The following ITIH4 variants were observed in gnomAD, a reference collection of about 807,000 sequenced individuals.
ITIH4 encodes the protein inter-alpha-trypsin inhibitor heavy chain 4, also known as inter-alpha-trypsin inhibitor heavy chain H4.
A neutral mutation model predicts 111.8 loss-of-function variants in ITIH4; 79 were observed. That is an observed-to-expected ratio of 0.71 (90% CI 0.59 to 0.85). The LOEUF is 0.85. ITIH4 is among the 40% of genes least tolerant of loss of function. The pLI is 0.00. For missense variants in ITIH4, 1,065 were observed against 1,195.8 expected (o/e 0.89, Z 1.61); for synonymous variants, 472 against 468.3 (o/e 1.01, Z -0.10).
intron 17 of ITIH4, 60 bp downstream of exon 17, chr3:52,819,333 G>T: frequency 6.2e-7 from 1 of 1,605,046 alleles, no homozygotes; most frequent in South Asian, 1.1e-5. Flanking sequence ...CCCTCTATGG[G>T]GCAGGCTCAA....
At position 52,820,975 on chromosome 3, in the gene ITIH4, G is replaced by A. The variant is rs369594100; in HGVS notation, c.1679+16C>T. 2.5e-6 allele frequency: 4 copies of A among 1,612,796 alleles called. No individual in the cohort carries two copies. Among genetic ancestry groups the A allele is most frequent in the African/African-American group, 1.3e-5 (1 of 74,896 alleles). On this transcript the variant is annotated intron_variant, in intron 12 of 23. Transcript: ENST00000266041. The stretch of plus-strand genomic sequence containing the variant: ...GCCCCCTAGCGACAGGCTTAGGGAG[G>A]TGCTGATGCACTCACGTTTGCTCCA...
At chr3:52,818,853 T>C (rs1374529463) in intron 17 of ITIH4, 1 of 394,722 alleles carries the variant, frequency 2.5e-6, no homozygotes. Flanking sequence ...GTATAGTGGA[T>C]CCTACTCAGT....
At chr3:52,820,808 C>T (rs1700367872) in intron 12 of ITIH4, 23 bp from the exon 13 acceptor site, 2 of 1,585,574 alleles carry the variant, frequency 1.3e-6, no homozygotes, top group East Asian at 2.2e-5. Flanking sequence ...CACATCAGAG[C>T]TCAGGAGATC....
chr3:52,816,039 G>A (rs1163324549), intron 21 of ITIH4, among the ~76,000 whole-genome samples: 1 of 152,194 alleles, frequency 6.6e-6, no homozygotes. Flanking sequence ...GATAAGCTGG[G>A]TGTGCACTCA....
Position 52,830,606 on chromosome 3 carries a change from C to T in ITIH4, c.37G>A (p.Val13Ile), listed in dbSNP as rs764127339. The change falls in exon 1 of 24, where the codon GTT (valine) becomes ATT (isoleucine). Residue 13 changes from valine to isoleucine, a missense_variant. Coordinates refer to ENST00000266041, the MANE Select transcript of ITIH4 (RefSeq NM_002218.5). ...GCCAGCAGTGAAAGCAGGACGAGAA[C>T]TTTGCTGCAGGTACGGACAGGCCTT... is the stretch of plus-strand genomic sequence containing the variant. Reference protein sequence around the residue: ...PPRPVRTCSKVLVLLSLLAIH... With the variant: ...PPRPVRTCSKILVLLSLLAIH... 2.5e-6 allele frequency: 4 copies of T among 1,614,142 alleles called. No individual in the cohort carries two copies. The highest frequency in any genetic ancestry group is 3.4e-6 in the Non-Finnish European group (4 of 1,179,974).
intron 13 of ITIH4, 91 bp from the exon 14 acceptor site, chr3:52,820,408 G>A (rs1700359625): frequency 2.1e-6 from 3 of 1,396,180 alleles, no homozygotes; most frequent in Non-Finnish European, 3.0e-6. Context: ...AAGCGCTTGT[G>A]TTTAATCTTG....
Position 52,814,201 on chromosome 3 carries a change from C to CTCAG in ITIH4, c.2626+4_2626+7dup, listed in dbSNP as rs754891877. 6.2e-7 allele frequency: 1 copy of CTCAG among 1,612,422 alleles called. No homozygotes were observed. The highest frequency in any genetic ancestry group is 8.5e-7 in the Non-Finnish European group (1 of 1,179,404). ...GGAAGGCCTGGGCCCCGGTAATGGG[C>CTCAG]TCAGTACCAAGGGTCCCTCCAACGT... On this transcript the variant is annotated splice_region_variant and intron_variant, in intron 22 of 23. Transcript: ENST00000266041.
chr3:52,826,760 A>C, intron 4 of ITIH4, 31 bp downstream of exon 4: 2 of 1,613,578 alleles, frequency 1.2e-6, no homozygotes, highest in African/African-American at 1.3e-5. Context: ...GTCATGCAGG[A>C]GGCCTCCCTG....
chr3:52,817,292 G>A (rs1211417680), intron 20 of ITIH4, among the ~76,000 whole-genome samples: 1 of 152,190 alleles, frequency 6.6e-6, no homozygotes, highest in Admixed American at 6.5e-5. Context: ...CTCGGCGACG[G>A]CCACCCTCAG....
chr3:52,829,913 G>C (rs1028005211), intron 1 of ITIH4: 3 of 186,610 alleles, frequency 1.6e-5, no homozygotes, highest in African/African-American at 7.1e-5. Context: ...CCCCTAGCAG[G>C]TGCCATTTGC....
intron 1 of ITIH4, 99 bp downstream of exon 1, chr3:52,830,454 G>T: frequency 8.8e-7 from 1 of 1,142,314 alleles, no homozygotes; most frequent in Non-Finnish European, 1.3e-6. Flanking sequence ...GGATGCACAC[G>T]CACTTGTGCT....
chr3:52,819,680 GAAC>G (rs1244224873), intron 16 of ITIH4, 71 bp downstream of exon 16: 2 of 1,584,556 alleles, frequency 1.3e-6, no homozygotes, highest in African/African-American at 1.3e-5. Context: ...GCTGGGAGAT[GAAC>G]AATAATGGAC....
chr3:52,813,369 G>A lies in ITIH4; in HGVS notation c.*52C>T. The A allele has an allele frequency of 1.3e-6, 2 of 1,505,696 alleles. No homozygotes were observed. Among genetic ancestry groups the A allele is most frequent in the Non-Finnish European group, 1.9e-6 (2 of 1,081,000 alleles). 93.3% of individuals were successfully genotyped at this position (1,505,696 alleles called of 1,614,324 possible). On this transcript the variant is annotated 3_prime_UTR_variant, in exon 24 of 24. Coordinates refer to ENST00000266041, the MANE Select transcript of ITIH4 (RefSeq NM_002218.5). The stretch of plus-strand genomic sequence containing the variant: ...TCCAGGCCCCAGAAGCGGCCCTGCA[G>A]TTGCAGGGGGAAGCCAAGTGTACAG...
chr3:52,823,303 G>T, intron 11 of ITIH4: 1 of 488,906 alleles, frequency 2.0e-6, no homozygotes, highest in Non-Finnish European at 3.6e-6. Flanking sequence ...GACAGGAAGG[G>T]ATGACAACTA....
chr3:52,819,270 G>A, intron 17 of ITIH4, 123 bp downstream of exon 17: 1 of 1,062,444 alleles, frequency 9.4e-7, no homozygotes, highest in East Asian at 2.6e-5. Flanking sequence ...TTCACATCGT[G>A]CCCTCAGCAG....
rs555213150 is a variant in ITIH4, at chr3:52,816,941, C to T, written c.2414G>A (p.Arg805Gln). ...CTTGTACGCAGAGCTTCTTCGGTTC[C>T]GAGTCACCACCACGTGTTCAGGGGA... ...HASPEHVVVT[R>Q]NRRSSAYKWK... Residue 805 changes from arginine (R) to glutamine (Q), a missense_variant, in exon 21 of 24, where the codon CGG (arginine) becomes CAG (glutamine). By Grantham distance (43) the Arg-to-Gln change is conservative. Coordinates refer to ENST00000266041, the MANE Select transcript of ITIH4 (RefSeq NM_002218.5). 20 of 1,614,046 alleles carry T rather than the reference C, an allele frequency of 1.2e-5. No individual in the cohort carries two copies. Among genetic ancestry groups the T allele is most frequent in the Admixed American group, 8.3e-5 (5 of 60,020 alleles).
Position 52,820,716 on chromosome 3 carries a change from G to A in ITIH4, c.1749C>T (p.Ser583=), listed in dbSNP as rs1232467062. 3.7e-6 allele frequency: 6 copies of A among 1,614,030 alleles called. No homozygotes were observed. In the African/African-American group the frequency reaches 6.7e-5, roughly 18 times the overall value. Residue 583 remains serine, a synonymous_variant, in exon 13 of 24, where the codon AGC becomes AGT. Transcript: ENST00000266041. ...CCATAGATGTGAGAGGCGTGACAAA[G>A]CTGTAGGCAAGTGATAAATTCAGCG... ...NQALNLSLAY[S]FVTPLTSMVV... is the part of the protein sequence containing the mutation.
At chr3:52,822,497 A>C (rs1021970397) in intron 11 of ITIH4, among the ~76,000 whole-genome samples, 5 of 152,180 alleles carry the variant, frequency 3.3e-5, no homozygotes, top group Non-Finnish European at 7.3e-5. Context: ...CACGGCCTCC[A>C]AGCTAAATCA....
Position 52,817,977 on chromosome 3 carries a change from CTGTG to C in ITIH4, c.2296+71_2296+74del, listed in dbSNP as rs576867713. 41 of 1,144,970 alleles carry C rather than the reference CTGTG, an allele frequency of 3.6e-5. 2 individuals carry two copies. In the Admixed American group the frequency reaches 5.6e-4, roughly 16 times the overall value. 70.9% of individuals were successfully genotyped at this position (1,144,970 alleles called of 1,614,324 possible). A position where few individuals can be genotyped will look rare whatever the true frequency, so the allele number is the denominator to read the frequency against. ...CCTGTGTGGGGCCAGCCTGCACGCGCTGTGTGTGTCTCTGTAGGCAGGTGGTGGG... is the reference window on the plus strand; with the variant it reads ...CCTGTGTGGGGCCAGCCTGCACGCGCTGTGTCTCTGTAGGCAGGTGGTGGG... On this transcript the variant is annotated intron_variant, in intron 20 of 23. Transcript: ENST00000266041.
Sources: allele counts gnomAD v4.1 joint callset (sites outside exome capture counted in the v4.1 genomes callset), GRCh38; gene constraint gnomAD v4.1.1; transcripts MANE v1.5; gene names NCBI Gene and HGNC (gene_info 2026-07-23, HGNC 2026-07-21).